MAP2K5: variants seen among roughly 807,000 people sequenced by gnomAD.
The protein encoded by MAP2K5 is mitogen-activated protein kinase kinase 5.
Under a neutral mutation model 83.1 loss-of-function variants are expected in MAP2K5, and 49 were observed. That is an observed-to-expected ratio of 0.59 (90% CI 0.47 to 0.75). The LOEUF is 0.75. Ranked by LOEUF, MAP2K5 falls within the 30% of genes least tolerant of loss-of-function variation. MAP2K5 has a pLI of 0.00. For synonymous variants in MAP2K5, 202 were observed against 191.8 expected (o/e 1.05, Z -0.44); for missense variants, 457 against 557.5 (o/e 0.82, Z 1.82).
chr15:67,784,674 G>A (rs114803407), intron 21 of MAP2K5, among the ~76,000 whole-genome samples: 129 of 152,344 alleles, frequency 8.5e-4, no homozygotes, highest in African/African-American at 3.0e-3. Context: ...GGTTATCTGA[G>A]GGGAAGCTGT....
chr15:67,719,850 C>T lies in MAP2K5; in HGVS notation c.1045-8066C>T, dbSNP rs1180640227. ...AAGTAAAATGGTTGCTCTCATTAATCATGACTAAACTTTATGTCTCTTTAA... is the reference window on the plus strand; with the variant it reads ...AAGTAAAATGGTTGCTCTCATTAATTATGACTAAACTTTATGTCTCTTTAA... On this transcript the variant is annotated intron_variant, in intron 16 of 21. Transcript: ENST00000178640. The surrounding 1 kb of genome is among the most constrained non-coding windows in gnomAD (Gnocchi z 4.6). Among the ~76,000 whole-genome samples, 3 of 152,242 alleles carry T rather than the reference C, an allele frequency of 2.0e-5. No individual in the cohort carries two copies. The highest frequency in any genetic ancestry group is 7.2e-5 in the African/African-American group (3 of 41,462).
chr15:67,556,373 C>T (rs947977848), intron 2 of MAP2K5, among the ~76,000 whole-genome samples: 1 of 152,076 alleles, frequency 6.6e-6, no homozygotes, highest in Non-Finnish European at 1.5e-5. Flanking sequence ...AGGTCTTCTA[C>T]AGTCCAGGAT....
At chr15:67,598,127 C>T (rs370480141) in intron 7 of MAP2K5, among the ~76,000 whole-genome samples, 11 of 151,954 alleles carry the variant, frequency 7.2e-5, no homozygotes, top group African/African-American at 2.7e-4. Context: ...ATCATTTGAA[C>T]TTGAGATGTG....
chr15:67,799,995 A>C (rs891212580), intron 21 of MAP2K5, among the ~76,000 whole-genome samples: 1 of 152,060 alleles, frequency 6.6e-6, no homozygotes. Context: ...TTGCTGAGTC[A>C]CTTATCAGGT....
At position 67,727,928 on chromosome 15, in the gene MAP2K5, A is replaced by G; in HGVS notation, c.1057A>G (p.Arg353Gly). 6.2e-7 allele frequency: 1 copy of G among 1,612,414 alleles called. No homozygotes were observed. Among genetic ancestry groups the G allele is most frequent in the Non-Finnish European group, 8.5e-7 (1 of 1,178,472 alleles). The change falls in exon 17 of 22, where the codon AGG becomes GGG. Residue 353 changes from arginine to glycine, a missense_variant. Coordinates refer to ENST00000178640, the MANE Select transcript of MAP2K5 (RefSeq NM_145160.3). ...TTTCCTTTCCCAGCTTGCTCTTGGG[A>G]GGTTTCCATATCCTCAGGTAAGATT... ...GISFMELALG[R>G]FPYPQIQKNQ...
chr15:67,732,793 A>T (rs1442626946), intron 17 of MAP2K5, among the ~76,000 whole-genome samples: 1 of 152,038 alleles, frequency 6.6e-6, no homozygotes, highest in African/African-American at 2.4e-5. Flanking sequence ...TAGTGATCGT[A>T]CTTCCGGAGG....
At position 67,559,798 on chromosome 15, in the gene MAP2K5, C is replaced by T. The variant is rs1267012504; in HGVS notation, c.185-3485C>T. Among the ~76,000 whole-genome samples, 1 of 152,174 alleles carries T rather than the reference C, an allele frequency of 6.6e-6. No individual in the cohort carries two copies. Among genetic ancestry groups the T allele is most frequent in the Non-Finnish European group, 1.5e-5 (1 of 68,038 alleles). On this transcript the variant is annotated intron_variant, in intron 2 of 21. Coordinates refer to ENST00000178640, the MANE Select transcript of MAP2K5 (RefSeq NM_145160.3). This position sits in a 1 kb window ranked among gnomAD's most constrained non-coding sequence, Gnocchi z 4.7. ...CCAATGTATCAGATCTGTCTGCTCC[C>T]CTACCCCCACCCCTTTTGTTGGTCA...
intron 17 of MAP2K5, among the ~76,000 whole-genome samples, chr15:67,732,615 T>C (rs2089245595): frequency 6.6e-6 from 1 of 152,194 alleles, no homozygotes. Context: ...TTGAATGTTT[T>C]CACACCCCAT....
chr15:67,671,971 G>T (rs1450765639), intron 13 of MAP2K5, among the ~76,000 whole-genome samples: 3 of 151,624 alleles, frequency 2.0e-5, no homozygotes, highest in Non-Finnish European at 4.4e-5. Flanking sequence ...TTTCATCCAT[G>T]TCCCTACAAA....
chr15:67,605,500 A>G (rs1447929021), intron 8 of MAP2K5, among the ~76,000 whole-genome samples: 1 of 152,120 alleles, frequency 6.6e-6, no homozygotes, highest in African/African-American at 2.4e-5. Context: ...TATCTTATGT[A>G]TTATCTTAAA....
chr15:67,789,668 T>C (rs1001510431), intron 21 of MAP2K5, among the ~76,000 whole-genome samples: 4 of 151,692 alleles, frequency 2.6e-5, no homozygotes, highest in Non-Finnish European at 5.9e-5. Flanking sequence ...TGAGCCGAGA[T>C]CGCACCATTG....
chr15:67,681,441 C>G (rs1230183931), intron 13 of MAP2K5, among the ~76,000 whole-genome samples: 1 of 152,204 alleles, frequency 6.6e-6, no homozygotes, highest in Non-Finnish European at 1.5e-5. Context: ...TCCAGGGCAT[C>G]ACTCTGCTTC....
Position 67,587,259 on chromosome 15 carries a change from G to A in MAP2K5, c.431+346G>A, listed in dbSNP as rs1430338713. On this transcript the variant is annotated intron_variant, in intron 6 of 21. Transcript: ENST00000178640. This position sits in a 1 kb window ranked among gnomAD's most constrained non-coding sequence, Gnocchi z 4.8. The stretch of plus-strand genomic sequence containing the variant: ...GGGTGCTGGGTTGGGGAAGGGATTT[G>A]GAGAGAGGAGATGAGAGAGCAATAG... 6.6e-6 allele frequency among the ~76,000 whole-genome samples: 1 copy of A among 152,170 alleles called. No individual in the cohort carries two copies. Among genetic ancestry groups the A allele is most frequent in the Non-Finnish European group, 1.5e-5 (1 of 68,020 alleles).
Position 67,750,214 on chromosome 15 carries a change from C to T in MAP2K5, c.1134+1613C>T, listed in dbSNP as rs1386167999. On this transcript the variant is annotated intron_variant, in intron 19 of 21. Transcript: ENST00000178640. This position sits in a 1 kb window ranked among gnomAD's most constrained non-coding sequence, Gnocchi z 4.2. ...TGTGTAACTTAAATGATATATTTTT[C>T]TTCATAGCATTTCTTTCTTAGTCAA... Among the ~76,000 whole-genome samples, 1 of 152,104 alleles carries T rather than the reference C, an allele frequency of 6.6e-6. No homozygotes were observed. The highest frequency in any genetic ancestry group is 2.4e-5 in the African/African-American group (1 of 41,412).
At chr15:67,568,669 A>G (rs1029146256) in intron 3 of MAP2K5, among the ~76,000 whole-genome samples, 3 of 152,088 alleles carry the variant, frequency 2.0e-5, no homozygotes, top group African/African-American at 7.2e-5. Context: ...AATAATACTT[A>G]TTACCAAAAT....
At position 67,562,454 on chromosome 15, in the gene MAP2K5, T is replaced by G. The variant is rs1244105020; in HGVS notation, c.185-829T>G. 6.6e-6 allele frequency among the ~76,000 whole-genome samples: 1 copy of G among 152,210 alleles called. No homozygotes were observed. Among genetic ancestry groups the G allele is most frequent in the African/African-American group, 2.4e-5 (1 of 41,456 alleles). ...AAAACTACTTTGAATAAGAGAAGTA[T>G]CATGAAATAAATACATTATTTCTAG... On this transcript the variant is annotated intron_variant, in intron 2 of 21. Coordinates refer to ENST00000178640, the MANE Select transcript of MAP2K5 (RefSeq NM_145160.3). This position sits in a 1 kb window ranked among gnomAD's most constrained non-coding sequence, Gnocchi z 4.1.
rs1000072087 is a variant in MAP2K5 at position 67,668,033 on chromosome 15, T to C, written c.847+3388T>C. ...AGTATATTATGTTAACTGGAAATTG[T>C]TTTGGAAATTGAAGCACAGCAGTTG... On this transcript the variant is annotated intron_variant, in intron 13 of 21. Transcript: ENST00000178640. This position sits in a 1 kb window ranked among gnomAD's most constrained non-coding sequence, Gnocchi z 4.0. Among the ~76,000 whole-genome samples the C allele has an allele frequency of 6.6e-6, 1 of 152,182 alleles. No homozygotes were observed. Among genetic ancestry groups the C allele is most frequent in the Non-Finnish European group, 1.5e-5 (1 of 68,016 alleles).
At chr15:67,585,274 G>C (rs1221836811) in intron 4 of MAP2K5, among the ~76,000 whole-genome samples, 1 of 152,154 alleles carries the variant, frequency 6.6e-6, no homozygotes, top group Admixed American at 6.5e-5. Context: ...TGTAACTCAA[G>C]ATGGTGTCAG....
rs1436167131 is a variant in MAP2K5, at chr15:67,786,015, GTTGT to G, written c.1242+13266_1242+13269del. ...TTCACAGGGGGCTTTTAGCTGTTAGGTTGTTTTTTTTTTTTTAACTTACAGAAGA... is the reference window on the plus strand; with the variant it reads ...TTCACAGGGGGCTTTTAGCTGTTAGGTTTTTTTTTTTTAACTTACAGAAGA... On this transcript the variant is annotated intron_variant, in intron 21 of 21. Transcript: ENST00000178640. The surrounding 1 kb of genome is among the most constrained non-coding windows in gnomAD (Gnocchi z 4.7). 2.9e-5 allele frequency among the ~76,000 whole-genome samples: 3 copies of G among 103,096 alleles called. No homozygotes were observed. Among genetic ancestry groups the G allele is most frequent in the African/African-American group, 1.2e-4 (3 of 26,086 alleles). 67.6% of individuals were successfully genotyped at this position (103,096 alleles called of 152,430 possible). A position where few individuals can be genotyped will look rare whatever the true frequency, so the allele number is the denominator to read the frequency against.
Sources: gnomAD v4.1 joint callset for allele counts (sites outside exome capture counted in the v4.1 genomes callset) on GRCh38, gnomAD v4.1.1 for gene constraint, Gnocchi (gnomAD v3.1) non-coding constraint, MANE v1.5 for transcripts, NCBI Gene and HGNC (gene_info 2026-07-23, HGNC 2026-07-21) for gene names.